RSRC1: variants seen among roughly 807,000 people sequenced by gnomAD.
The protein encoded by RSRC1 is arginine and serine rich coiled-coil 1.
Under a neutral mutation model 49.1 loss-of-function variants are expected in RSRC1, and 39 were observed. The ratio of observed to expected loss-of-function variants is 0.79; its 90% CI spans 0.61 to 1.04. The LOEUF (loss-of-function observed/expected upper bound fraction) is 1.04, where lower values mean the gene tolerates loss of function less well. Ranked by LOEUF, RSRC1 falls within the 50% of genes least tolerant of loss-of-function variation. The probability of loss-of-function intolerance (pLI) is 0.00; values close to 1 mark genes in which losing one functional copy is unlikely to be tolerated. For synonymous variants in RSRC1, 143 were observed against 130.8 expected (o/e 1.09, Z -0.63); for missense variants, 388 against 402.4 (o/e 0.96, Z 0.31).
chr3:158,110,230 C>G lies in RSRC1; in HGVS notation c.-3+7C>G, dbSNP rs1055009492. On this transcript the variant is annotated splice_region_variant and intron_variant, in intron 1 of 9. Coordinates refer to ENST00000611884, the MANE Select transcript of RSRC1 (RefSeq NM_001271838.2). ...CCCAAAGGTCTGGACCCAGGTGATG[C>G]CCACGACCAGGGCCTGGGGAGCGGC... 2.6e-5 allele frequency: 4 copies of G among 152,324 alleles called. No homozygotes were observed. Among genetic ancestry groups the G allele is most frequent in the Non-Finnish European group, 4.4e-5 (3 of 68,104 alleles). 9.4% of individuals were successfully genotyped at this position (152,324 alleles called of 1,614,324 possible).
At chr3:158,347,511 A>G (rs932752136) in intron 5 of RSRC1, among the ~76,000 whole-genome samples, 2 of 152,190 alleles carry the variant, frequency 1.3e-5, no homozygotes, top group Admixed American at 1.3e-4. Flanking sequence ...TGAGGGCAAT[A>G]TCAAAAAATC....
chr3:158,482,270 AAATT>A (rs1317537028), intron 7 of RSRC1, among the ~76,000 whole-genome samples: 3 of 152,070 alleles, frequency 2.0e-5, no homozygotes, highest in Non-Finnish European at 4.4e-5. Flanking sequence ...TCCAAAAAAT[AAATT>A]AATACCAAAT....
At chr3:158,380,409 A>C (rs910104314) in intron 6 of RSRC1, among the ~76,000 whole-genome samples, 3 of 152,128 alleles carry the variant, frequency 2.0e-5, no homozygotes, top group African/African-American at 7.2e-5. Flanking sequence ...GTAGTGTTCT[A>C]TGACTGTGAA....
chr3:158,333,737 G>A (rs1729695831), intron 5 of RSRC1, among the ~76,000 whole-genome samples: 1 of 152,146 alleles, frequency 6.6e-6, no homozygotes, highest in African/African-American at 2.4e-5. Flanking sequence ...AAACACAGAA[G>A]GTTTTGTCAA....
chr3:158,368,136 G>T (rs375245916), intron 6 of RSRC1, among the ~76,000 whole-genome samples: 3 of 152,208 alleles, frequency 2.0e-5, no homozygotes, highest in African/African-American at 4.8e-5. Context: ...TGTTAATTTT[G>T]AGAGGGTGAT....
intron 6 of RSRC1, among the ~76,000 whole-genome samples, chr3:158,424,807 G>A (rs1735308840): frequency 6.6e-6 from 1 of 152,086 alleles, no homozygotes; most frequent in Admixed American, 6.6e-5. Flanking sequence ...CTTAGTCTTG[G>A]GAGAGTGTAT....
At chr3:158,190,626 A>AT (rs201426607) in intron 3 of RSRC1, among the ~76,000 whole-genome samples, 164 of 139,562 alleles carry the variant, frequency 1.2e-3, no homozygotes, top group African/African-American at 1.8e-3. Context: ...TTTTCCTGGA[A>AT]TTTTTTTTTT....
chr3:158,272,997 T>C (rs1725605444), intron 4 of RSRC1, among the ~76,000 whole-genome samples: 2 of 152,002 alleles, frequency 1.3e-5, no homozygotes, highest in Admixed American at 6.6e-5. Flanking sequence ...CATTGTCTTA[T>C]ATAACTATGA....
intron 4 of RSRC1, among the ~76,000 whole-genome samples, chr3:158,233,300 G>A (rs1435637094): frequency 3.3e-5 from 5 of 152,024 alleles, no homozygotes; most frequent in African/African-American, 7.2e-5. Flanking sequence ...TTATAGCATA[G>A]TTAAACTTAG....
chr3:158,415,801 ATTG>A (rs1415832069), intron 6 of RSRC1, among the ~76,000 whole-genome samples: 17 of 152,000 alleles, frequency 1.1e-4, no homozygotes, highest in Admixed American at 1.1e-3. Context: ...AAAATAAATT[ATTG>A]TTATAATTGG....
intron 3 of RSRC1, among the ~76,000 whole-genome samples, chr3:158,158,172 A>G (rs564155077): frequency 4.3e-4 from 66 of 152,346 alleles, no homozygotes; most frequent in African/African-American, 1.5e-3. Context: ...GTTAACTAAT[A>G]CTTGGTGCAT....
At chr3:158,246,397 T>A (rs1407680113) in intron 4 of RSRC1, among the ~76,000 whole-genome samples, 6 of 148,122 alleles carry the variant, frequency 4.1e-5, no homozygotes, top group Middle Eastern at 3.5e-3. Flanking sequence ...TAAAGTATAA[T>A]AAAAAAAAAA....
At chr3:158,511,109 T>G (rs572332585) in intron 7 of RSRC1, among the ~76,000 whole-genome samples, 23 of 71,878 alleles carry the variant, frequency 3.2e-4, no homozygotes, top group African/African-American at 8.7e-4. Context: ...CATTTGTTGG[T>G]TTTTTTTTTA....
Position 158,502,298 on chromosome 3 carries a change from C to A in RSRC1, c.653-34794C>A, listed in dbSNP as rs539421739. 3.6e-4 allele frequency among the ~76,000 whole-genome samples: 55 copies of A among 152,244 alleles called. No homozygotes were observed. The South Asian group carries it at 0.011, about 32-fold the overall frequency. On this transcript the variant is annotated intron_variant, in intron 7 of 9. Coordinates refer to ENST00000611884, the MANE Select transcript of RSRC1 (RefSeq NM_001271838.2). ...CTTCTGTCTCACAGCTCTTAAGATT[C>A]TTTCCTTCATCTTAACTTTGGATAA...
chr3:158,236,758 A>G (rs1458559944), intron 4 of RSRC1, among the ~76,000 whole-genome samples: 3 of 152,226 alleles, frequency 2.0e-5, no homozygotes, highest in Non-Finnish European at 4.4e-5. Context: ...GTATTTGGGA[A>G]AGAAAGAATT....
chr3:158,491,387 A>C (rs1277706770), intron 7 of RSRC1, among the ~76,000 whole-genome samples: 1 of 152,212 alleles, frequency 6.6e-6, no homozygotes, highest in Non-Finnish European at 1.5e-5. Flanking sequence ...TCACAGCCAG[A>C]TCACTCAATC....
chr3:158,405,896 T>C (rs1734139944), intron 6 of RSRC1, among the ~76,000 whole-genome samples: 1 of 152,154 alleles, frequency 6.6e-6, no homozygotes, highest in South Asian at 2.1e-4. Flanking sequence ...ATTTACATTA[T>C]TCTTAAAATT....
At chr3:158,115,383 T>C (rs1458632889) in intron 1 of RSRC1, among the ~76,000 whole-genome samples, 1 of 152,062 alleles carries the variant, frequency 6.6e-6, no homozygotes, top group Non-Finnish European at 1.5e-5. Flanking sequence ...AGATGTAGTA[T>C]AAAGGACAGA....
At chr3:158,139,360 C>A (rs985329278) in intron 3 of RSRC1, among the ~76,000 whole-genome samples, 12 of 151,830 alleles carry the variant, frequency 7.9e-5, no homozygotes, top group African/African-American at 2.4e-4. Flanking sequence ...GAGCTGAGAT[C>A]GCGCCACTGC....
Sources: gnomAD v4.1 joint callset for allele counts (sites outside exome capture counted in the v4.1 genomes callset) on GRCh38, gnomAD v4.1.1 for gene constraint, MANE v1.5 for transcripts, NCBI Gene and HGNC (gene_info 2026-07-23, HGNC 2026-07-21) for gene names.